The following CMTR1 variants were observed in gnomAD, a reference collection of about 807,000 sequenced individuals.
CMTR1 encodes the protein cap methyltransferase 1, also known as cap-specific mRNA (nucleoside-2'-O-)-methyltransferase 1.
In CMTR1, 39 loss-of-function variants were observed where a neutral mutation model predicts 107.0. The ratio of observed to expected loss-of-function variants is 0.36; its 90% CI spans 0.28 to 0.48. The LOEUF (loss-of-function observed/expected upper bound fraction) is 0.48, where lower values mean the gene tolerates loss of function less well. Ranked by LOEUF, CMTR1 falls within the 20% of genes least tolerant of loss-of-function variation. CMTR1 has a pLI of 0.99. For synonymous variants in CMTR1, 366 were observed against 379.5 expected (o/e 0.96, Z 0.41); for missense variants, 672 against 1,064.9 (o/e 0.63, Z 5.14).
chr6:37,461,468 T>G, intron 10 of CMTR1, 81 bp from the exon 11 acceptor site: 2 of 726,004 alleles, frequency 2.8e-6, no homozygotes, highest in Non-Finnish European at 4.7e-6. Flanking sequence ...TCAAGAACTC[T>G]CGATGAAGAT....
the CMTR1 span, among the ~76,000 whole-genome samples, chr6:37,428,057 A>AGAGAGAGAGAGAGGGAGG: frequency 7.0e-6 from 1 of 143,138 alleles, no homozygotes; most frequent in Non-Finnish European, 1.5e-5. Flanking sequence ...AGAGAGAGAG[A>AGAGAGAGAGAGAGGGAGG]GAGAAACTCT....
intron 2 of CMTR1, among the ~76,000 whole-genome samples, chr6:37,437,077 G>C (rs1771544799): frequency 6.6e-6 from 1 of 152,186 alleles, no homozygotes; most frequent in Non-Finnish European, 1.5e-5. Flanking sequence ...CTAGATAAGA[G>C]AGTCAGTTGC....
In CMTR1 at chr6:37,452,920, G is replaced by A. The variant is rs1179328469; in HGVS notation, c.610-127G>A. ...AGCAGCCTGTGTAGGGTCACACAGT[G>A]AGACATTTCAGAGCTGAGATGCCAC... On this transcript the variant is annotated intron_variant, in intron 6 of 23. Coordinates refer to ENST00000373451, the MANE Select transcript of CMTR1 (RefSeq NM_015050.3). 5 of 801,138 alleles carry A rather than the reference G, an allele frequency of 6.2e-6. No homozygotes were observed. In the East Asian group the frequency reaches 1.2e-4, roughly 20 times the overall value. The allele number at this position is 801,138 out of a possible 1,614,324, so 49.6% of individuals were successfully genotyped here.
At chr6:37,463,766 C>T (rs888025371) in intron 13 of CMTR1, among the ~76,000 whole-genome samples, 1 of 152,152 alleles carries the variant, frequency 6.6e-6, no homozygotes, top group Non-Finnish European at 1.5e-5. Context: ...TTATCCTATT[C>T]TCTCCTATTT....
At chr6:37,450,225 C>G in intron 4 of CMTR1, 26 bp from the exon 5 acceptor site, 3 of 1,595,390 alleles carry the variant, frequency 1.9e-6, no homozygotes, top group Non-Finnish European at 1.7e-6. Flanking sequence ...TCATATCTGT[C>G]TTACTAGCCT....
chr6:37,439,351 A>G (rs1277384245), intron 2 of CMTR1, among the ~76,000 whole-genome samples: 6 of 152,246 alleles, frequency 3.9e-5, no homozygotes, highest in African/African-American at 1.4e-4. Context: ...CGGGAAAACT[A>G]TGGTCTAGAC....
rs1761804899 is a variant in CMTR1 at position 37,479,158 on chromosome 6, A to G, written c.2278A>G (p.Met760Val). 1 of 1,613,682 alleles carries G rather than the reference A, an allele frequency of 6.2e-7. No homozygotes were observed. The highest frequency in any genetic ancestry group is 8.5e-7 in the Non-Finnish European group (1 of 1,179,606). Residue 760 changes from methionine to valine, a missense_variant, in exon 23 of 24, where the codon ATG (methionine) becomes GTG (valine). Physicochemically the swap from Met to Val is conservative, Grantham distance 21. Around this residue, in one of 2 missense-constraint regions of CMTR1, gnomAD observed 583 missense variants for 968.4 expected, o/e 0.60. Coordinates refer to ENST00000373451, the MANE Select transcript of CMTR1 (RefSeq NM_015050.3). ...IVRTVNEPWT[M>V]GFSKSFKKKF... Reference sequence around the variant, plus strand: ...CTTCCTCCCATCAGAGCCCTGGACTATGGGATTCAGCAAAAGCTTCAAGAA... The same window carrying G: ...CTTCCTCCCATCAGAGCCCTGGACTGTGGGATTCAGCAAAAGCTTCAAGAA...
chr6:37,428,055 A>AGAGAGAGG, the CMTR1 span, among the ~76,000 whole-genome samples: 19 of 142,784 alleles, frequency 1.3e-4, no homozygotes, highest in South Asian at 3.5e-3. Flanking sequence ...AGAGAGAGAG[A>AGAGAGAGG]GAGAGAAACT....
intron 1 of CMTR1, among the ~76,000 whole-genome samples, chr6:37,434,185 C>T (rs1394977491): frequency 1.3e-5 from 2 of 151,906 alleles, no homozygotes; most frequent in African/African-American, 4.8e-5. Flanking sequence ...GTCTCCGGTT[C>T]TTCCCTGGGA....
intron 1 of CMTR1, among the ~76,000 whole-genome samples, chr6:37,433,881 G>C (rs1771457230): frequency 6.6e-6 from 1 of 152,212 alleles, no homozygotes. Context: ...GAAGATGATA[G>C]GGTTGGATGA....
intron 2 of CMTR1, among the ~76,000 whole-genome samples, chr6:37,436,781 A>C (rs1487274237): frequency 6.6e-6 from 1 of 152,200 alleles, no homozygotes; most frequent in Non-Finnish European, 1.5e-5. Flanking sequence ...AAATTAGGTC[A>C]CATTTACAGG....
At position 37,461,617 on chromosome 6, in the gene CMTR1, C is replaced by T. The variant is rs1323862456; in HGVS notation, c.1164C>T (p.Phe388=). The T allele has an allele frequency of 1.9e-6, 3 of 1,611,404 alleles. No individual in the cohort carries two copies. The highest frequency in any genetic ancestry group is 1.7e-5 in the Admixed American group (1 of 59,738). ...ILSKQLLLCQ[F]LMALSIVRTG... is the part of the protein sequence containing the mutation. Reference sequence around the variant, plus strand: ...GCAAGCAGCTGCTTCTGTGTCAGTTCCTCATGGCGCTGTCCATTGTCCGGA... The same window carrying T: ...GCAAGCAGCTGCTTCTGTGTCAGTTTCTCATGGCGCTGTCCATTGTCCGGA... The change falls in exon 11 of 24, where the codon TTC becomes TTT. Residue 388 remains phenylalanine (F), a synonymous_variant. Coordinates refer to ENST00000373451, the MANE Select transcript of CMTR1 (RefSeq NM_015050.3).
chr6:37,472,371 G>C lies in CMTR1; in HGVS notation c.1621-48G>C. The C allele has an allele frequency of 6.4e-7, 1 of 1,565,390 alleles. No individual in the cohort carries two copies. The stretch of plus-strand genomic sequence containing the variant: ...CCTGCATATACTCATACACGGTCTT[G>C]GTCAAAAGGGCATTTGAAAGTCAAA... On this transcript the variant is annotated intron_variant, in intron 15 of 23. Transcript: ENST00000373451. This position sits in a 1 kb window ranked among gnomAD's most constrained non-coding sequence, Gnocchi z 4.1.
At chr6:37,456,076 CAGG>C (rs1261873449) in intron 8 of CMTR1, among the ~76,000 whole-genome samples, 1 of 152,212 alleles carries the variant, frequency 6.6e-6, no homozygotes, top group Non-Finnish European at 1.5e-5. Context: ...GCCCCCTTTG[CAGG>C]GGTGAGGTGT....
chr6:37,461,231 C>T (rs1195021534), intron 10 of CMTR1, among the ~76,000 whole-genome samples: 4 of 152,190 alleles, frequency 2.6e-5, no homozygotes, highest in Admixed American at 2.6e-4. Context: ...CTCTGTTCTG[C>T]CTTACTCTTC....
chr6:37,455,762 A>C (rs556147297), intron 8 of CMTR1, among the ~76,000 whole-genome samples: 1 of 152,318 alleles, frequency 6.6e-6, no homozygotes, highest in East Asian at 1.9e-4. Context: ...GACTCTGAGG[A>C]AGTTGATCTG....
At chr6:37,449,927 A>G (rs1771895800) in intron 4 of CMTR1, among the ~76,000 whole-genome samples, 1 of 152,226 alleles carries the variant, frequency 6.6e-6, no homozygotes, top group Non-Finnish European at 1.5e-5. Context: ...CCTTTTGCCA[A>G]GGGCCATGTC....
rs765157170 is a variant in CMTR1 at position 37,461,542 on chromosome 6, A to G, written c.1096-7A>G. On this transcript the variant is annotated splice_region_variant and splice_polypyrimidine_tract_variant and intron_variant, in intron 10 of 23. Transcript: ENST00000373451. ...TTCCCACCCCATTCCTTGTGCTCTC[A>G]TTTCAGGGTTTCTCGGTGGAGGGGC... 1.3e-6 allele frequency: 2 copies of G among 1,571,608 alleles called. No homozygotes were observed. The highest frequency in any genetic ancestry group is 3.6e-5 in the Admixed American group (2 of 55,460).
intron 13 of CMTR1, among the ~76,000 whole-genome samples, chr6:37,464,140 G>C (rs571894212): frequency 5.1e-4 from 78 of 152,238 alleles, no homozygotes; most frequent in African/African-American, 1.8e-3. Flanking sequence ...GTTTACAAAT[G>C]CATATATCCT....
Sources: allele counts gnomAD v4.1 joint callset (sites outside exome capture counted in the v4.1 genomes callset), GRCh38; gene constraint gnomAD v4.1.1; regional missense constraint gnomAD v4.1.1; non-coding constraint Gnocchi (gnomAD v3.1); transcripts MANE v1.5; gene names NCBI Gene and HGNC (gene_info 2026-07-23, HGNC 2026-07-21).